NXN: variants seen among roughly 807,000 people sequenced by gnomAD.
NXN encodes nucleoredoxin.
Under a neutral mutation model 48.6 loss-of-function variants are expected in NXN, and 16 were observed. The ratio of observed to expected loss-of-function variants is 0.33; its 90% CI spans 0.22 to 0.50. The LOEUF (loss-of-function observed/expected upper bound fraction) is 0.50. Among genes scored for constraint, NXN ranks in the 20% least tolerant of loss-of-function variants. The pLI is 0.98. For synonymous variants in NXN, 281 were observed against 269.6 expected, an observed-to-expected ratio of 1.04 and a Z score of -0.41; for missense variants, 492 against 605.5, an observed-to-expected ratio of 0.81 and a Z score of 1.97.
chr17:923,042 A>C (rs2068764289), intron 1 of NXN, among the ~76,000 whole-genome samples: 1 of 151,344 alleles, frequency 6.6e-6, no homozygotes, highest in African/African-American at 2.4e-5. Context: ...TCTCACTTCA[A>C]CTCGACTTAC....
At chr17:867,678 C>A (rs1204936399) in intron 1 of NXN, among the ~76,000 whole-genome samples, 1 of 152,124 alleles carries the variant, frequency 6.6e-6, no homozygotes, top group Non-Finnish European at 1.5e-5. Context: ...GTAATCCCAG[C>A]ACTTTGGGAG....
intron 5 of NXN, among the ~76,000 whole-genome samples, chr17:810,694 A>G (rs1311921486): frequency 6.6e-6 from 1 of 152,196 alleles, no homozygotes; most frequent in Admixed American, 6.5e-5. Flanking sequence ...GGTGGAGACC[A>G]GCCTGACCAA....
chr17:962,765 A>C (rs948537306), intron 1 of NXN, among the ~76,000 whole-genome samples: 3 of 152,126 alleles, frequency 2.0e-5, no homozygotes, highest in Non-Finnish European at 4.4e-5. Context: ...CCCCATATAC[A>C]TCTGAATGCG....
chr17:824,603 C>A (rs1448392424), intron 2 of NXN, among the ~76,000 whole-genome samples: 2 of 152,320 alleles, frequency 1.3e-5, no homozygotes, highest in Non-Finnish European at 2.9e-5. Flanking sequence ...TAAAATACCA[C>A]GCTCCTGGGC....
chr17:833,992 C>G (rs1410806451), intron 1 of NXN, among the ~76,000 whole-genome samples: 1 of 152,204 alleles, frequency 6.6e-6, no homozygotes, highest in Non-Finnish European at 1.5e-5. Flanking sequence ...CAGAGCCACC[C>G]AGGACTGAGA....
chr17:934,154 C>T (rs758482860), intron 1 of NXN, among the ~76,000 whole-genome samples: 15 of 151,918 alleles, frequency 9.9e-5, no homozygotes, highest in Non-Finnish European at 1.3e-4. Flanking sequence ...GTAATCCCAG[C>T]ACCCCGGGAG....
intron 4 of NXN, among the ~76,000 whole-genome samples, chr17:820,439 A>T (rs1433482090): frequency 1.6e-5 from 2 of 127,974 alleles, no homozygotes; most frequent in Non-Finnish European, 3.2e-5. Context: ...GTGAAACCCC[A>T]TCTCTACTAA....
intron 1 of NXN, among the ~76,000 whole-genome samples, chr17:951,257 C>T (rs554305285): frequency 6.9e-6 from 1 of 145,568 alleles, no homozygotes; most frequent in African/African-American, 2.5e-5. Context: ...GGCTGAGGCA[C>T]GAGAATTGCT....
intron 1 of NXN, among the ~76,000 whole-genome samples, chr17:841,087 C>T (rs2144705758): frequency 6.6e-6 from 1 of 152,358 alleles, no homozygotes. Context: ...TCACTCTCTT[C>T]AGCTGCAGAA....
At chr17:947,557 A>G (rs895639170) in intron 1 of NXN, among the ~76,000 whole-genome samples, 2 of 151,850 alleles carry the variant, frequency 1.3e-5, no homozygotes, top group African/African-American at 4.8e-5. Context: ...ACAAGGTGAA[A>G]CCCCATCTCA....
At chr17:855,815 G>C in intron 1 of NXN, among the ~76,000 whole-genome samples, 1 of 152,138 alleles carries the variant, frequency 6.6e-6, no homozygotes, top group East Asian at 1.9e-4. Flanking sequence ...AGTGTGCCAG[G>C]GAACTCAATC....
intron 1 of NXN, among the ~76,000 whole-genome samples, chr17:916,676 C>A (rs772590792): frequency 7.2e-5 from 11 of 152,132 alleles, no homozygotes; most frequent in Non-Finnish European, 1.5e-4. Flanking sequence ...CGGTGGCTCA[C>A]GCCCGTAATC....
chr17:871,236 G>A (rs1212819407), intron 1 of NXN, among the ~76,000 whole-genome samples: 2 of 151,880 alleles, frequency 1.3e-5, no homozygotes, highest in Non-Finnish European at 1.5e-5. Flanking sequence ...TGAACTAAGG[G>A]AGTGTACATA....
Position 917,603 on chromosome 17 carries a change from G to A in NXN, c.360+61716C>T, listed in dbSNP as rs747500185. 4.6e-5 allele frequency among the ~76,000 whole-genome samples: 7 copies of A among 152,166 alleles called. No individual in the cohort carries two copies. The highest frequency in any genetic ancestry group is 1.0e-4 in the Non-Finnish European group (7 of 68,028). On this transcript the variant is annotated intron_variant, in intron 1 of 7. Coordinates refer to ENST00000336868, the MANE Select transcript of NXN (RefSeq NM_022463.5). The surrounding 1 kb of genome is among the most constrained non-coding windows in gnomAD (Gnocchi z 4.5). ...ACTTAGCACTGGTGTCTACAGGCTC[G>A]ATTCCCAGCTCTCCCACAAGGACGT... is the stretch of plus-strand genomic sequence containing the variant.
At chr17:805,413 G>C (rs781062435) in intron 5 of NXN, among the ~76,000 whole-genome samples, 166 bp from the exon 6 acceptor site, 14 of 152,068 alleles carry the variant, frequency 9.2e-5, no homozygotes, top group Non-Finnish European at 1.9e-4. Flanking sequence ...ACAAAGCCTG[G>C]GGAGAATCCA....
At chr17:833,865 G>A (rs147903764) in intron 1 of NXN, among the ~76,000 whole-genome samples, 61 of 152,078 alleles carry the variant, frequency 4.0e-4, no homozygotes, top group African/African-American at 1.3e-3. Context: ...CTAAGATGAC[G>A]TTAACAGTGA....
At chr17:962,897 G>A (rs1316701307) in intron 1 of NXN, among the ~76,000 whole-genome samples, 3 of 152,140 alleles carry the variant, frequency 2.0e-5, no homozygotes, top group African/African-American at 4.8e-5. Context: ...TCCTAGAGGG[G>A]CCCCTCTCTA....
rs565079873 is a variant in NXN at position 908,080 on chromosome 17, G to T, written c.360+71239C>A. Reference sequence around the variant, plus strand: ...ACCTAAAGGTTCCAAGAAAAAAAGGGTCCCAACATTCTGAAACAGAACATA... The same window carrying T: ...ACCTAAAGGTTCCAAGAAAAAAAGGTTCCCAACATTCTGAAACAGAACATA... On this transcript the variant is annotated intron_variant, in intron 1 of 7. Transcript: ENST00000336868. 2.0e-5 allele frequency: 3 copies of T among 152,202 alleles called. 1 individual carries two copies. The South Asian group carries it at 6.2e-4, about 32-fold the overall frequency. The allele number at this position is 152,202 out of a possible 1,614,324, so 9.4% of individuals were successfully genotyped here.
rs374666782 is a variant in NXN, at chr17:840,160, T to C, written c.361-14082A>G. ...CTACTGGACCATAAATGGAAAAATA[T>C]GATGTTCCCTGTAACCCCCATTTAG... On this transcript the variant is annotated intron_variant, in intron 1 of 7. Transcript: ENST00000336868. Among the ~76,000 whole-genome samples the C allele has an allele frequency of 3.2e-4, 49 of 151,504 alleles. 2 individuals carry two copies. Among genetic ancestry groups the C allele is most frequent in the African/African-American group, 1.2e-3 (48 of 41,262 alleles).
Sources: gnomAD v4.1 joint callset for allele counts (sites outside exome capture counted in the v4.1 genomes callset) on GRCh38, gnomAD v4.1.1 for gene constraint, Gnocchi (gnomAD v3.1) non-coding constraint, MANE v1.5 for transcripts, NCBI Gene and HGNC (gene_info 2026-07-23, HGNC 2026-07-21) for gene names.